The following SIPA1L3 variants were observed in gnomAD, a reference collection of about 807,000 sequenced individuals.
The protein encoded by SIPA1L3 is signal-induced proliferation-associated 1-like protein 3.
Under a neutral mutation model 150.1 loss-of-function variants are expected in SIPA1L3, and 59 were observed. The observed-to-expected ratio is 0.39, with a 90% confidence interval of 0.32 to 0.49. SIPA1L3 has a LOEUF of 0.49. Among genes scored for constraint, SIPA1L3 ranks in the 20% least tolerant of loss-of-function variants. The pLI is 0.86. For missense variants in SIPA1L3, 2,211 were observed against 2,489.5 expected, an observed-to-expected ratio of 0.89 and a Z score of 2.38; for synonymous variants, 1,070 against 1,077.6, an observed-to-expected ratio of 0.99 and a Z score of 0.14.
intron 1 of SIPA1L3, among the ~76,000 whole-genome samples, chr19:37,981,007 T>C (rs756986381): frequency 3.9e-5 from 6 of 152,196 alleles, no homozygotes; most frequent in Non-Finnish European, 8.8e-5. Flanking sequence ...AGGCTTTGTT[T>C]GGAGGGTAAT....
At position 38,141,415 on chromosome 19, in the gene SIPA1L3, C is replaced by T. The variant is rs772678163; in HGVS notation, c.3375C>T (p.Ser1125=). 6.2e-7 allele frequency: 1 copy of T among 1,610,434 alleles called. No individual in the cohort carries two copies. Among genetic ancestry groups the T allele is most frequent in the South Asian group, 1.1e-5 (1 of 91,076 alleles). ...CCCCCATAGTCCCCTTCCGGGAGTC[C>T]CAGCCACTGCACAGCAAGAGGTAAG... ...KQTPIVPFRE[S]QPLHSKRPVS... Residue 1125 remains serine (S), a synonymous_variant, in exon 11 of 22, where the codon TCC becomes TCT. Coordinates refer to ENST00000222345, the MANE Select transcript of SIPA1L3 (RefSeq NM_015073.3).
chr19:38,144,211 A>G (rs1225779149), intron 12 of SIPA1L3, among the ~76,000 whole-genome samples: 2 of 152,174 alleles, frequency 1.3e-5, no homozygotes, highest in African/African-American at 2.4e-5. Context: ...CTTCATCCTT[A>G]TTAGCCAGCT....
chr19:38,182,560 A>C lies in SIPA1L3; in HGVS notation c.4250A>C (p.Lys1417Thr). The change falls in exon 16 of 22, where the codon AAA becomes ACA. Residue 1417 changes from lysine to threonine, a missense_variant. Coordinates refer to ENST00000222345, the MANE Select transcript of SIPA1L3 (RefSeq NM_015073.3). The part of the protein sequence containing the change: ...SRVGYPAQVY[K>T]TASAETPRPS... ...GTTGGCTACCCCGCTCAGGTTTACA[A>C]AACTGCCAGTGCAGAGACTCCTCGG... 2 of 1,613,996 alleles carry C rather than the reference A, an allele frequency of 1.2e-6. No homozygotes were observed. Among genetic ancestry groups the C allele is most frequent in the Non-Finnish European group, 1.7e-6 (2 of 1,179,922 alleles).
chr19:38,157,411 G>T (rs995308485), intron 13 of SIPA1L3, among the ~76,000 whole-genome samples: 19 of 152,182 alleles, frequency 1.2e-4, no homozygotes, highest in African/African-American at 4.6e-4. Context: ...GTTGTCACTT[G>T]TCCCAGGTCA....
intron 2 of SIPA1L3, among the ~76,000 whole-genome samples, chr19:38,068,303 A>G (rs569445616): frequency 6.6e-6 from 1 of 152,266 alleles, no homozygotes; most frequent in African/African-American, 2.4e-5. Context: ...TGCTGGGATT[A>G]CAGGCGTGAG....
intron 19 of SIPA1L3, 67 bp from the exon 20 acceptor site, chr19:38,201,795 G>T: frequency 6.6e-7 from 1 of 1,520,268 alleles, no homozygotes; most frequent in South Asian, 1.3e-5. Flanking sequence ...GGAGAGGCGT[G>T]GTCCGTCTGT....
chr19:38,162,152 T>C, intron 13 of SIPA1L3, 101 bp from the exon 14 acceptor site: 1 of 826,946 alleles, frequency 1.2e-6, no homozygotes, highest in Non-Finnish European at 2.1e-6. Flanking sequence ...ATTGATGGGG[T>C]CATGCCGTGG....
intron 13 of SIPA1L3, among the ~76,000 whole-genome samples, chr19:38,158,101 C>T (rs528045241): frequency 1.3e-5 from 2 of 152,080 alleles, no homozygotes; most frequent in East Asian, 1.9e-4. Context: ...GGCATAGTGG[C>T]GGGCACCTGT....
intron 1 of SIPA1L3, among the ~76,000 whole-genome samples, chr19:37,941,660 G>A (rs939656500): frequency 2.0e-5 from 3 of 152,180 alleles, no homozygotes; most frequent in Admixed American, 6.5e-5. Flanking sequence ...GTTTGTCGAA[G>A]TAATGAGACT....
At chr19:37,950,071 T>C (rs1231776519) in intron 1 of SIPA1L3, among the ~76,000 whole-genome samples, 1 of 117,484 alleles carries the variant, frequency 8.5e-6, no homozygotes, top group Non-Finnish European at 1.6e-5. Context: ...AGCCAGACTG[T>C]GTCTCAAAAA....
chr19:37,909,812 G>A (rs2046363608), intron 1 of SIPA1L3, among the ~76,000 whole-genome samples: 1 of 152,174 alleles, frequency 6.6e-6, no homozygotes, highest in Non-Finnish European at 1.5e-5. Flanking sequence ...GAAGAGGCTG[G>A]GAAGGGAATT....
At chr19:38,009,144 C>T (rs1968039904) in intron 1 of SIPA1L3, among the ~76,000 whole-genome samples, 1 of 152,084 alleles carries the variant, frequency 6.6e-6, no homozygotes, top group African/African-American at 2.4e-5. Context: ...AAGTGATTCT[C>T]CTGCCTCAGT....
At chr19:38,107,701 GC>G (rs1207417016) in intron 7 of SIPA1L3, among the ~76,000 whole-genome samples, 1 of 152,256 alleles carries the variant, frequency 6.6e-6, no homozygotes, top group Admixed American at 6.5e-5. Flanking sequence ...CTTAGGCCAG[GC>G]TTGGTGGCTC....
chr19:38,115,234 C>T (rs1970856860), intron 8 of SIPA1L3, among the ~76,000 whole-genome samples: 1 of 152,098 alleles, frequency 6.6e-6, no homozygotes, highest in South Asian at 2.1e-4. Flanking sequence ...CTGTAAGGGA[C>T]CAAAGATGAC....
intron 8 of SIPA1L3, among the ~76,000 whole-genome samples, chr19:38,114,796 A>G (rs3852911): frequency 0.4 from 60,633 of 152,192 alleles, 12,519 homozygotes; most frequent in East Asian, 0.62. Context: ...GGCATGAAGG[A>G]TCACTAGCCA....
chr19:38,121,123 C>T (rs963078720), intron 9 of SIPA1L3, among the ~76,000 whole-genome samples: 1 of 151,968 alleles, frequency 6.6e-6, no homozygotes, highest in Non-Finnish European at 1.5e-5. Context: ...GAAAGGATTG[C>T]TTGAGCCCAG....
chr19:37,997,864 CAAAA>C (rs967452351), intron 1 of SIPA1L3, among the ~76,000 whole-genome samples: 3 of 69,272 alleles, frequency 4.3e-5, no homozygotes, highest in Non-Finnish European at 6.1e-5. Context: ...GACTCCATCT[CAAAA>C]AAAAAAAAAA....
intron 2 of SIPA1L3, among the ~76,000 whole-genome samples, chr19:38,030,688 T>C (rs1283171607): frequency 6.7e-6 from 1 of 149,788 alleles, no homozygotes; most frequent in Admixed American, 6.6e-5. Context: ...GTTTTGAATA[T>C]GTTATGTTTA....
At chr19:38,123,432 C>T (rs1298992934) in intron 9 of SIPA1L3, among the ~76,000 whole-genome samples, 1 of 148,826 alleles carries the variant, frequency 6.7e-6, no homozygotes, top group Non-Finnish European at 1.5e-5. Context: ...GTGTTTGTGT[C>T]CCTGGGTACT....
Sources: allele counts gnomAD v4.1 joint callset (sites outside exome capture counted in the v4.1 genomes callset), GRCh38; gene constraint gnomAD v4.1.1; transcripts MANE v1.5; gene names NCBI Gene and HGNC (gene_info 2026-07-23, HGNC 2026-07-21).